Variants in EFCAB11 observed in about 807,000 individuals in gnomAD.
EFCAB11 encodes EF-hand calcium-binding domain-containing protein 11.
A neutral mutation model predicts 23.0 loss-of-function variants in EFCAB11; 14 were observed. The observed-to-expected ratio is 0.61, with a 90% CI of 0.40 to 0.95. EFCAB11 has a LOEUF of 0.95. Ranked by LOEUF, EFCAB11 falls within the 40% of genes least tolerant of loss-of-function variation. The pLI, the probability that EFCAB11 is intolerant of heterozygous loss-of-function variation, is 0.00. For synonymous variants in EFCAB11, 65 were observed against 66.6 expected (o/e 0.98, Z 0.11); for missense variants, 198 against 195.8 (o/e 1.01, Z -0.07).
At chr14:89,851,085 T>C (rs1438629200) in intron 5 of EFCAB11, among the ~76,000 whole-genome samples, 2 of 152,240 alleles carry the variant, frequency 1.3e-5, no homozygotes, top group Non-Finnish European at 2.9e-5. Context: ...TAGAGAGCCC[T>C]TGGAAGGTTA....
chr14:89,802,240 T>C (rs1334456251), intron 5 of EFCAB11, among the ~76,000 whole-genome samples: 3 of 148,278 alleles, frequency 2.0e-5, no homozygotes, highest in Non-Finnish European at 3.0e-5. Context: ...AAAAAGGAAA[T>C]GGTTTAAATT....
intron 5 of EFCAB11, among the ~76,000 whole-genome samples, chr14:89,915,843 A>G (rs572647921): frequency 6.6e-6 from 1 of 152,366 alleles, no homozygotes; most frequent in South Asian, 2.1e-4. Flanking sequence ...TATATAAGAC[A>G]TTAATTTAAC....
rs576063917 is a variant in EFCAB11 at position 89,900,300 on chromosome 14, T to C, written c.410+31241A>G. ...ATCCATGTCATAAAATATAAAGACATACACGAATGATTAAAAAAAAATCAG... is the reference window on the plus strand; with the variant it reads ...ATCCATGTCATAAAATATAAAGACACACACGAATGATTAAAAAAAAATCAG... On this transcript the variant is annotated intron_variant, in intron 5 of 5. Transcript: ENST00000316738. 2.0e-5 allele frequency among the ~76,000 whole-genome samples: 3 copies of C among 152,156 alleles called. 1 individual carries two copies. The South Asian group carries it at 6.2e-4, about 32-fold the overall frequency.
intron 5 of EFCAB11, among the ~76,000 whole-genome samples, chr14:89,828,676 G>T (rs1886786333): frequency 6.6e-6 from 1 of 152,154 alleles, no homozygotes; most frequent in African/African-American, 2.4e-5. Flanking sequence ...AAAACCACAA[G>T]AATTTTTTGA....
chr14:89,935,826 A>G (rs982661593), intron 3 of EFCAB11, among the ~76,000 whole-genome samples: 2 of 152,118 alleles, frequency 1.3e-5, no homozygotes, highest in African/African-American at 2.4e-5. Flanking sequence ...CTGGCCAACA[A>G]GGCAAAACCT....
At chr14:89,900,370 G>T (rs1889303081) in intron 5 of EFCAB11, among the ~76,000 whole-genome samples, 1 of 152,124 alleles carries the variant, frequency 6.6e-6, no homozygotes, top group Admixed American at 6.5e-5. Flanking sequence ...TACCCAGGGG[G>T]CTTTAACCAT....
intron 2 of EFCAB11, among the ~76,000 whole-genome samples, chr14:89,953,551 C>T (rs971581082): frequency 6.6e-6 from 1 of 152,186 alleles, no homozygotes; most frequent in African/African-American, 2.4e-5. Context: ...ATTTTATAAA[C>T]AAAGCAACAA....
chr14:89,951,968 A>G (rs940302531), intron 2 of EFCAB11, among the ~76,000 whole-genome samples: 5 of 152,176 alleles, frequency 3.3e-5, no homozygotes, highest in Non-Finnish European at 5.9e-5. Context: ...GCATGAATGT[A>G]TAAGTGATTT....
chr14:89,817,063 A>G (rs577335239), intron 5 of EFCAB11, among the ~76,000 whole-genome samples: 1 of 152,134 alleles, frequency 6.6e-6, no homozygotes, highest in Non-Finnish European at 1.5e-5. Flanking sequence ...GAAAAAATGA[A>G]AATAGGCAAT....
intron 5 of EFCAB11, among the ~76,000 whole-genome samples, chr14:89,927,466 A>G (rs1407485981): frequency 6.6e-6 from 1 of 151,912 alleles, no homozygotes; most frequent in Non-Finnish European, 1.5e-5. Context: ...ACCTGGGTAA[A>G]GAAACCCATA....
At chr14:89,802,207 T>TA (rs35720736) in intron 5 of EFCAB11, among the ~76,000 whole-genome samples, 54 of 136,100 alleles carry the variant, frequency 4.0e-4, no homozygotes, top group East Asian at 1.0e-3. Context: ...CCAAGTTACT[T>TA]AAAAAAAAAA....
chr14:89,899,505 C>A (rs1596442141), intron 5 of EFCAB11, among the ~76,000 whole-genome samples: 1 of 152,056 alleles, frequency 6.6e-6, no homozygotes, highest in East Asian at 1.9e-4. Flanking sequence ...AATATATAGT[C>A]CTGTTATATA....
intron 5 of EFCAB11, among the ~76,000 whole-genome samples, chr14:89,904,682 A>G (rs1174686128): frequency 6.6e-6 from 1 of 152,168 alleles, no homozygotes; most frequent in East Asian, 1.9e-4. Flanking sequence ...CTGGAGTGAG[A>G]TGCTATCTCA....
At chr14:89,886,419 G>C (rs899969481) in intron 5 of EFCAB11, among the ~76,000 whole-genome samples, 9 of 151,242 alleles carry the variant, frequency 6.0e-5, no homozygotes, top group African/African-American at 2.2e-4. Context: ...TCGGGAGGCT[G>C]AGGCAGGAGA....
chr14:89,872,448 C>T (rs1450962141), intron 5 of EFCAB11, among the ~76,000 whole-genome samples: 1 of 152,138 alleles, frequency 6.6e-6, no homozygotes, highest in Admixed American at 6.5e-5. Flanking sequence ...ACTCCACTGA[C>T]CCAAGGCTTT....
intron 5 of EFCAB11, among the ~76,000 whole-genome samples, chr14:89,798,022 C>A (rs1431692477): frequency 6.6e-6 from 1 of 152,156 alleles, no homozygotes; most frequent in Non-Finnish European, 1.5e-5. Context: ...CAATGCCTTA[C>A]AAGTAGCTTC....
At chr14:89,824,667 C>T (rs185644906) in intron 5 of EFCAB11, among the ~76,000 whole-genome samples, 1 of 151,800 alleles carries the variant, frequency 6.6e-6, no homozygotes, top group Non-Finnish European at 1.5e-5. Flanking sequence ...GACACAGATA[C>T]GTTAATAGTA....
intron 5 of EFCAB11, among the ~76,000 whole-genome samples, chr14:89,801,981 G>A (rs1210851737): frequency 2.9e-5 from 4 of 137,442 alleles, no homozygotes; most frequent in South Asian, 2.2e-4. Context: ...GCGATAGTGC[G>A]AGACTCTGTC....
chr14:89,818,869 C>G (rs1384050519), intron 5 of EFCAB11, among the ~76,000 whole-genome samples: 1 of 152,078 alleles, frequency 6.6e-6, no homozygotes, highest in Non-Finnish European at 1.5e-5. Context: ...TTACAAAGAT[C>G]GAGTGTTAGT....
Sources: gnomAD v4.1 joint callset for allele counts (sites outside exome capture counted in the v4.1 genomes callset) on GRCh38, gnomAD v4.1.1 for gene constraint, MANE v1.5 for transcripts, NCBI Gene and HGNC (gene_info 2026-07-23, HGNC 2026-07-21) for gene names.